The following SORBS2 variants were observed in gnomAD, a reference collection of about 807,000 sequenced individuals.
The protein encoded by SORBS2 is sorbin and SH3 domain-containing protein 2.
A neutral mutation model predicts 97.7 loss-of-function variants in SORBS2; 46 were observed. That is an observed-to-expected ratio of 0.47 (90% CI 0.37 to 0.60). The LOEUF is 0.60. SORBS2 is among the 20% of genes least tolerant of loss of function. The probability of loss-of-function intolerance (pLI) is 0.00; values close to 1 mark genes in which losing one functional copy is unlikely to be tolerated. For synonymous variants in SORBS2, 476 were observed against 473.4 expected (o/e 1.01, Z -0.07); for missense variants, 1,316 against 1,282.3 (o/e 1.03, Z -0.40).
At chr4:185,856,621 G>A (rs1263995025) in intron 1 of SORBS2, among the ~76,000 whole-genome samples, 1 of 152,006 alleles carries the variant, frequency 6.6e-6, no homozygotes, top group African/African-American at 2.4e-5. Flanking sequence ...TTTGAAATAT[G>A]CCCCAAATTT....
exon 15 of SORBS2, chr4:185,587,622 G>A (rs1353315274): frequency 6.2e-7 from 1 of 1,612,472 alleles, no homozygotes; most frequent in Non-Finnish European, 8.5e-7. Context: ...AGGAGGGAGC[G>A]CAATTCACAG....
chr4:185,911,221 A>T (rs904627292), intron 1 of SORBS2, among the ~76,000 whole-genome samples: 1 of 152,002 alleles, frequency 6.6e-6, no homozygotes, highest in African/African-American at 2.4e-5. Flanking sequence ...AGGCTTCAAA[A>T]TTATGATGAT....
At chr4:185,745,821 C>G (rs1372923722) in intron 2 of SORBS2, among the ~76,000 whole-genome samples, 1 of 152,198 alleles carries the variant, frequency 6.6e-6, no homozygotes, top group African/African-American at 2.4e-5. Context: ...GCCTGTGTGA[C>G]TGATCGCTGC....
chr4:185,902,839 T>C (rs1210062054), intron 1 of SORBS2, among the ~76,000 whole-genome samples: 1 of 152,222 alleles, frequency 6.6e-6, no homozygotes, highest in Non-Finnish European at 1.5e-5. Context: ...TTGGTTTAGC[T>C]GCACTGGGAT....
At chr4:185,596,972 C>T (rs967717257) in intron 12 of SORBS2, among the ~76,000 whole-genome samples, 5 of 152,162 alleles carry the variant, frequency 3.3e-5, no homozygotes, top group African/African-American at 1.2e-4. Context: ...CAAGACTTTT[C>T]GTAGCAGAGA....
intron 2 of SORBS2, among the ~76,000 whole-genome samples, chr4:185,769,981 C>G (rs1241278675): frequency 6.6e-6 from 1 of 151,898 alleles, no homozygotes; most frequent in Non-Finnish European, 1.5e-5. Flanking sequence ...GCACTGTACA[C>G]TGTATTTTTT....
At chr4:185,752,659 G>A (rs998032400) in intron 2 of SORBS2, among the ~76,000 whole-genome samples, 3 of 152,188 alleles carry the variant, frequency 2.0e-5, no homozygotes, top group Non-Finnish European at 2.9e-5. Context: ...AAATCATGCC[G>A]ATGGAAAGCA....
At chr4:185,745,153 A>C (rs1321318006) in intron 2 of SORBS2, among the ~76,000 whole-genome samples, 1 of 151,752 alleles carries the variant, frequency 6.6e-6, no homozygotes, top group African/African-American at 2.4e-5. Context: ...GCAGCGGGGG[A>C]AGGTGGATGT....
At chr4:185,685,022 G>A (rs984800339) in intron 2 of SORBS2, among the ~76,000 whole-genome samples, 176 bp from the exon 5 acceptor site, 18 of 152,112 alleles carry the variant, frequency 1.2e-4, no homozygotes, top group Non-Finnish European at 1.5e-5. Flanking sequence ...CAAACAAAAC[G>A]AAACAAAACA....
At chr4:185,803,494 G>A (rs753834890) in intron 1 of SORBS2, among the ~76,000 whole-genome samples, 7 of 152,066 alleles carry the variant, frequency 4.6e-5, no homozygotes, top group Admixed American at 6.5e-5. Flanking sequence ...TTGGGACTTC[G>A]GGTCAACAGG....
intron 1 of SORBS2, among the ~76,000 whole-genome samples, chr4:185,930,178 C>T (rs1579547998): frequency 6.6e-6 from 1 of 152,164 alleles, no homozygotes; most frequent in Non-Finnish European, 1.5e-5. Context: ...AAATGGTCAC[C>T]TCCTCATCCC....
At chr4:185,779,733 A>G (rs2099018076) in intron 1 of SORBS2, among the ~76,000 whole-genome samples, 1 of 152,236 alleles carries the variant, frequency 6.6e-6, no homozygotes, top group African/African-American at 2.4e-5. Flanking sequence ...ATAGATGTTT[A>G]GAGACCTCCC....
intron 1 of SORBS2, among the ~76,000 whole-genome samples, chr4:185,797,600 T>A (rs998793609): frequency 5.9e-5 from 9 of 152,168 alleles, no homozygotes; most frequent in African/African-American, 2.2e-4. Flanking sequence ...TGCAGTAATC[T>A]CATTTAATCC....
At position 185,602,734 on chromosome 4, in the gene SORBS2, C is replaced by T. The variant is rs894654727; in HGVS notation, c.2797-8799G>A. ...TGAAATGGAAGAAATAAAAAGGCTT[C>T]GGACTCAGATTGGCAGAGTTTGTAA... is the stretch of plus-strand genomic sequence containing the variant. On this transcript the variant is annotated intron_variant, in intron 12 of 14. Coordinates refer to ENST00000418609, the Ensembl canonical transcript of SORBS2. Among the ~76,000 whole-genome samples the T allele has an allele frequency of 2.9e-5, 4 of 139,706 alleles. No homozygotes were observed. In the South Asian group the frequency reaches 7.0e-4, roughly 25 times the overall value. 91.7% of individuals were successfully genotyped at this position (139,706 alleles called of 152,430 possible).
At chr4:185,600,165 A>C (rs2096226828) in intron 12 of SORBS2, among the ~76,000 whole-genome samples, 1 of 152,202 alleles carries the variant, frequency 6.6e-6, no homozygotes, top group Non-Finnish European at 1.5e-5. Context: ...AAACTCCTGC[A>C]CAACAGCAGG....
chr4:185,746,036 T>G (rs2153591932), intron 2 of SORBS2, among the ~76,000 whole-genome samples: 1 of 152,296 alleles, frequency 6.6e-6, no homozygotes, highest in South Asian at 2.1e-4. Flanking sequence ...ATAGAGGGAA[T>G]AACAAAGTGA....
intron 1 of SORBS2, among the ~76,000 whole-genome samples, chr4:185,795,241 T>C (rs2099099365): frequency 6.6e-6 from 1 of 152,192 alleles, no homozygotes; most frequent in Admixed American, 6.5e-5. Context: ...TCAACAGAGA[T>C]AAACAAAGTT....
At chr4:185,626,844 A>G (rs1375768133) in exon 6 of SORBS2, 2 of 1,614,160 alleles carry the variant, frequency 1.2e-6, no homozygotes, top group Admixed American at 1.7e-5. Flanking sequence ...TTTGCTCTTG[A>G]TGGGGAAGAA....
Position 185,607,353 on chromosome 4 carries a change from G to A in SORBS2, c.2796+4427C>T. 1 of 1,280,334 alleles carries A rather than the reference G, an allele frequency of 7.8e-7. No individual in the cohort carries two copies. The highest frequency in any genetic ancestry group is 1.2e-5 in the South Asian group (1 of 80,800). 79.3% of individuals were successfully genotyped at this position (1,280,334 alleles called of 1,614,324 possible). The stretch of plus-strand genomic sequence containing the variant: ...GGGCTGGTTCACTGGAAGCCAACTT[G>A]GAAATGAGCACGGATTATGAAGTTA... On this transcript the variant is annotated intron_variant, in intron 12 of 14. Transcript: ENST00000418609. This position sits in a 1 kb window ranked among gnomAD's most constrained non-coding sequence, Gnocchi z 5.2.
Sources: allele counts gnomAD v4.1 joint callset (sites outside exome capture counted in the v4.1 genomes callset), GRCh38; gene constraint gnomAD v4.1.1; non-coding constraint Gnocchi (gnomAD v3.1); transcripts MANE v1.5; gene names NCBI Gene and HGNC (gene_info 2026-07-23, HGNC 2026-07-21).